NCAPG2: variants seen among roughly 807,000 people sequenced by gnomAD.
The protein encoded by NCAPG2 is non-SMC condensin II complex subunit G2.
A neutral mutation model predicts 141.1 loss-of-function variants in NCAPG2; 53 were observed. That is an observed-to-expected ratio of 0.38 (90% CI 0.30 to 0.47). The LOEUF (loss-of-function observed/expected upper bound fraction) is 0.47, where lower values mean the gene tolerates loss of function less well. Among genes scored for constraint, NCAPG2 ranks in the 20% least tolerant of loss-of-function variants. The pLI is 0.99. For synonymous variants in NCAPG2, 499 were observed against 490.7 expected (o/e 1.02, Z -0.22); for missense variants, 1,087 against 1,389.0 (o/e 0.78, Z 3.46).
intron 9 of NCAPG2, among the ~76,000 whole-genome samples, chr7:158,681,670 C>T (rs1304136021): frequency 6.6e-6 from 1 of 152,072 alleles, no homozygotes; most frequent in East Asian, 1.9e-4. Context: ...CTATAGTTTG[C>T]TTTTTGTGTA....
rs1293871558 is a variant in NCAPG2, at chr7:158,664,194, T to C, written c.1805A>G (p.Glu602Gly). The change falls in exon 15 of 28, where the codon GAG becomes GGG. Residue 602 changes from glutamate to glycine, a missense_variant. Coordinates refer to ENST00000356309, the MANE Select transcript of NCAPG2 (RefSeq NM_017760.7). ...CCCTGTTCTACTCACAGTCACATTC[T>C]CCTTCTCCCTTCCGTCCTCTTCCTC... ...DEEEEDGREK[E>G]NVTVLDKTLS... is the part of the protein sequence containing the mutation. 3 of 1,608,124 alleles carry C rather than the reference T, an allele frequency of 1.9e-6. No homozygotes were observed. The East Asian group carries it at 6.7e-5, about 36-fold the overall frequency.
At chr7:158,663,318 C>A (rs935360489) in intron 15 of NCAPG2, among the ~76,000 whole-genome samples, 6 of 152,230 alleles carry the variant, frequency 3.9e-5, no homozygotes, top group African/African-American at 1.4e-4. Context: ...GCCTGCCCAA[C>A]GGCTGTGAAG....
intron 16 of NCAPG2, among the ~76,000 whole-genome samples, chr7:158,660,163 A>T (rs1832369679): frequency 6.6e-6 from 1 of 151,920 alleles, no homozygotes; most frequent in African/African-American, 2.4e-5. Context: ...GGCCAATTCC[A>T]TCTGTGTGGC....
intron 24 of NCAPG2, among the ~76,000 whole-genome samples, chr7:158,648,585 C>A (rs867896711): frequency 8.8e-6 from 1 of 113,902 alleles, no homozygotes; most frequent in Non-Finnish European, 1.9e-5. Flanking sequence ...ACGACAACCA[C>A]GCCAAATGGA....
intron 6 of NCAPG2, 147 bp from the exon 7 acceptor site, chr7:158,687,589 G>A (rs764582818): frequency 1.2e-4 from 72 of 613,258 alleles, no homozygotes; most frequent in Non-Finnish European, 1.8e-4. Context: ...ACATGCACGA[G>A]TTGAGCTGTC....
rs1563518964 is a variant in NCAPG2 at position 158,656,441 on chromosome 7, A to C, written c.2215-8T>G. The stretch of plus-strand genomic sequence containing the variant: ...TTTAGAAGCTGTGTTGCTCTGAAAG[A>C]AGAGAGAGAGAAACTGATAATGAAA... On this transcript the variant is annotated splice_region_variant and splice_polypyrimidine_tract_variant and intron_variant, in intron 18 of 27. Transcript: ENST00000356309. 6.2e-7 allele frequency: 1 copy of C among 1,612,930 alleles called. No homozygotes were observed. The highest frequency in any genetic ancestry group is 8.5e-7 in the Non-Finnish European group (1 of 1,179,560).
At chr7:158,654,424 C>T (rs998224106) in intron 22 of NCAPG2, among the ~76,000 whole-genome samples, 171 bp downstream of exon 22, 2 of 152,216 alleles carry the variant, frequency 1.3e-5, no homozygotes, top group Non-Finnish European at 2.9e-5. Context: ...GACACAGAAA[C>T]ACCTCTTAAT....
chr7:158,679,005 T>C (rs960465286), intron 11 of NCAPG2, among the ~76,000 whole-genome samples: 1 of 152,134 alleles, frequency 6.6e-6, no homozygotes, highest in Admixed American at 6.5e-5. Context: ...GGCTGTTTTT[T>C]TGTTTGTTGT....
At chr7:158,704,062 C>G (rs1835985778) in intron 1 of NCAPG2, among the ~76,000 whole-genome samples, 1 of 148,946 alleles carries the variant, frequency 6.7e-6, no homozygotes, top group East Asian at 2.0e-4. Context: ...GGGCAGTGCC[C>G]ATGCTCAGGA....
chr7:158,683,182 T>G lies in NCAPG2; in HGVS notation c.924+118A>C, dbSNP rs960563647. The stretch of plus-strand genomic sequence containing the variant: ...TGCCAGACATCAAATATCAAGGTTC[T>G]GAGAAATCCCCCTAACTGATGTCTG... On this transcript the variant is annotated intron_variant, in intron 9 of 27. Coordinates refer to ENST00000356309, the MANE Select transcript of NCAPG2 (RefSeq NM_017760.7). 8 of 824,000 alleles carry G rather than the reference T, an allele frequency of 9.7e-6. No homozygotes were observed. The African/African-American group carries it at 1.4e-4, about 15-fold the overall frequency. The allele number at this position is 824,000 out of a possible 1,614,324, so 51.0% of individuals were successfully genotyped here.
chr7:158,645,487 C>T, intron 26 of NCAPG2, 32 bp downstream of exon 26: 1 of 1,591,380 alleles, frequency 6.3e-7, no homozygotes, highest in Non-Finnish European at 8.6e-7. Context: ...GCACCAGCCA[C>T]CTTCCAGATG....
chr7:158,699,166 T>C (rs1357443020), intron 2 of NCAPG2, among the ~76,000 whole-genome samples: 1 of 152,138 alleles, frequency 6.6e-6, no homozygotes, highest in African/African-American at 2.4e-5. Context: ...TGCAGAAACT[T>C]TTCTTTGTGT....
chr7:158,702,127 G>A (rs1835840369), intron 1 of NCAPG2, 189 bp from the exon 2 acceptor site: 3 of 436,802 alleles, frequency 6.9e-6, no homozygotes, highest in Non-Finnish European at 1.2e-5. Context: ...CCTTTACTGG[G>A]GATGTGAATA....
Position 158,664,150 on chromosome 7 carries a change from C to T in NCAPG2, c.1815+34G>A, listed in dbSNP as rs1034835839. 5.4e-6 allele frequency: 8 copies of T among 1,489,876 alleles called. No individual in the cohort carries two copies. In the Admixed American group the frequency reaches 1.3e-4, roughly 25 times the overall value. 92.3% of individuals were successfully genotyped at this position (1,489,876 alleles called of 1,614,324 possible). ...GCCCATGGGAGTGATGCCACTGAGG[C>T]ACTATCTGCCCGGCCTGGCCCTGTT... On this transcript the variant is annotated intron_variant, in intron 15 of 27. Transcript: ENST00000356309.
Position 158,655,175 on chromosome 7 carries a change from T to C in NCAPG2, c.2589A>G (p.Gln863=). The change falls in exon 21 of 28, where the codon CAA becomes CAG. Residue 863 remains glutamine, a synonymous_variant. Coordinates refer to ENST00000356309, the MANE Select transcript of NCAPG2 (RefSeq NM_017760.7). Reference sequence around the variant, plus strand: ...GCTTCAGGTAGTCTTCTTCTTGATCTTGAATAAAAGATAAAATTTTGCTTT... The same window carrying C: ...GCTTCAGGTAGTCTTCTTCTTGATCCTGAATAAAAGATAAAATTTTGCTTT... The part of the protein sequence containing the change: ...WLESKILSFI[Q]DQEEDYLKLH... 6.2e-7 allele frequency: 1 copy of C among 1,614,130 alleles called. No individual in the cohort carries two copies. Among genetic ancestry groups the C allele is most frequent in the Non-Finnish European group, 8.5e-7 (1 of 1,180,018 alleles).
chr7:158,654,500 C>G, intron 22 of NCAPG2, 95 bp downstream of exon 22: 2 of 1,255,080 alleles, frequency 1.6e-6, no homozygotes, highest in Non-Finnish European at 2.2e-6. Flanking sequence ...TAATCAGTCA[C>G]TTAAAAGTGA....
intron 27 of NCAPG2, 57 bp downstream of exon 27, chr7:158,644,232 T>C (rs35309808): frequency 0.035 from 49,860 of 1,405,312 alleles, 1,086 homozygotes; most frequent in South Asian, 0.055. Flanking sequence ...CTCATGCAGA[T>C]CCAAAGAAGA....
chr7:158,687,980 A>G (rs1834878433), intron 6 of NCAPG2, among the ~76,000 whole-genome samples: 1 of 152,200 alleles, frequency 6.6e-6, no homozygotes, highest in Non-Finnish European at 1.5e-5. Flanking sequence ...ATGCTACTAG[A>G]TTATGTATCT....
rs765105777 is a variant in NCAPG2, at chr7:158,631,576, T to C, written c.*90A>G. 3.3e-6 allele frequency: 4 copies of C among 1,218,188 alleles called. No homozygotes were observed. The highest frequency in any genetic ancestry group is 4.8e-6 in the Non-Finnish European group (4 of 828,128). 75.5% of individuals were successfully genotyped at this position (1,218,188 alleles called of 1,614,324 possible). On this transcript the variant is annotated 3_prime_UTR_variant, in exon 28 of 28. Coordinates refer to ENST00000356309, the MANE Select transcript of NCAPG2 (RefSeq NM_017760.7). ...CCCACCCTTTCCCTATTATATGGGT[T>C]ATTAACATTAAAAACAATAGGAAAA...
Sources: allele counts gnomAD v4.1 joint callset (sites outside exome capture counted in the v4.1 genomes callset), GRCh38; gene constraint gnomAD v4.1.1; transcripts MANE v1.5; gene names NCBI Gene and HGNC (gene_info 2026-07-23, HGNC 2026-07-21).